Variants in DNAH7 observed in about 807,000 individuals in gnomAD.
DNAH7 encodes the protein dynein axonemal heavy chain 7, also known as axonemal beta dynein heavy chain 7.
Under a neutral mutation model 444.6 loss-of-function variants are expected in DNAH7, and 397 were observed. The observed-to-expected ratio is 0.89, with a 90% CI of 0.82 to 0.97. The LOEUF (loss-of-function observed/expected upper bound fraction) is 0.97, where lower values mean the gene tolerates loss of function less well. Among genes scored for constraint, DNAH7 ranks in the 50% least tolerant of loss-of-function variants. DNAH7 has a pLI of 0.00. For missense variants in DNAH7, 4,902 were observed against 4,800.8 expected (o/e 1.02, Z -0.62); for synonymous variants, 1,636 against 1,624.4 (o/e 1.01, Z -0.17).
intron 3 of DNAH7, 126 bp downstream of exon 3, chr2:196,051,061 A>G (rs1245739170): frequency 1.2e-6 from 1 of 829,908 alleles, no homozygotes; most frequent in East Asian, 2.5e-5. Context: ...TGCACACCTC[A>G]TAGAATTTCT....
rs1276835714 is a variant in DNAH7, at chr2:195,938,072, T to G, written c.3079-1280A>C. The stretch of plus-strand genomic sequence containing the variant: ...AGTAAATTTTTTCCTATAGGAATTT[T>G]ATTCAATTGCAGGAGTCTCTAAAGT... On this transcript the variant is annotated intron_variant, in intron 19 of 64. Coordinates refer to ENST00000312428, the MANE Select transcript of DNAH7 (RefSeq NM_018897.3). Among the ~76,000 whole-genome samples the G allele has an allele frequency of 5.9e-5, 9 of 152,162 alleles. No homozygotes were observed. In the South Asian group the frequency reaches 1.9e-3, roughly 31 times the overall value.
chr2:195,935,010 A>G (rs1160722861), intron 20 of DNAH7, among the ~76,000 whole-genome samples: 2 of 152,240 alleles, frequency 1.3e-5, no homozygotes, highest in African/African-American at 2.4e-5. Context: ...ATCACAAAAC[A>G]TCTGTAAAAT....
intron 15 of DNAH7, among the ~76,000 whole-genome samples, chr2:195,975,508 C>T (rs1692129749): frequency 6.6e-6 from 1 of 152,176 alleles, no homozygotes; most frequent in Non-Finnish European, 1.5e-5. Context: ...ACAAGAACTG[C>T]AACTCCTAGG....
rs536314999 is a variant in DNAH7, at chr2:196,021,321, T to C, written c.744-2026A>G. 6.6e-5 allele frequency among the ~76,000 whole-genome samples: 10 copies of C among 152,278 alleles called. No homozygotes were observed. In the East Asian group the frequency reaches 1.9e-3, roughly 29 times the overall value. On this transcript the variant is annotated intron_variant, in intron 8 of 64. Transcript: ENST00000312428. ...TCATAAATGTAACGTTAGGCTTAAA[T>C]ACATAAATAAACAAAGCACATAAGA...
At position 195,916,695 on chromosome 2, in the gene DNAH7, T is replaced by C. The variant is rs1687700956; in HGVS notation, c.3935+5393A>G. 1.3e-5 allele frequency among the ~76,000 whole-genome samples: 2 copies of C among 151,992 alleles called. 1 individual carries two copies. Among genetic ancestry groups the C allele is most frequent in the Admixed American group, 1.3e-4 (2 of 15,256 alleles). ...TAAAATGCTGAAACCCCATCTCTACTAAAAATATAAAAATTAGCTGAGCAT... is the reference window on the plus strand; with the variant it reads ...TAAAATGCTGAAACCCCATCTCTACCAAAAATATAAAAATTAGCTGAGCAT... On this transcript the variant is annotated intron_variant, in intron 24 of 64. Transcript: ENST00000312428.
chr2:196,026,567 T>C (rs1277520528), intron 7 of DNAH7, among the ~76,000 whole-genome samples, 193 bp downstream of exon 7: 1 of 152,186 alleles, frequency 6.6e-6, no homozygotes. Context: ...TCCCTACAAA[T>C]AGAAATAGAA....
intron 21 of DNAH7, among the ~76,000 whole-genome samples, chr2:195,929,660 G>A (rs1052281530): frequency 2.6e-5 from 4 of 152,146 alleles, no homozygotes; most frequent in African/African-American, 9.7e-5. Flanking sequence ...TTAAATAGCT[G>A]GCTAGCCATA....
intron 25 of DNAH7, among the ~76,000 whole-genome samples, chr2:195,908,303 G>A (rs1469724602): frequency 6.6e-6 from 1 of 151,860 alleles, no homozygotes; most frequent in Non-Finnish European, 1.5e-5. Context: ...TAGTGACTGA[G>A]TCACTATGCA....
intron 47 of DNAH7, 144 bp from the exon 48 acceptor site, chr2:195,834,504 T>A: frequency 1.1e-6 from 1 of 890,712 alleles, no homozygotes; most frequent in Non-Finnish European, 1.6e-6. Context: ...ACTATGTTCT[T>A]AAAACAGAGA....
chr2:195,886,471 C>T (rs576800394), intron 33 of DNAH7, among the ~76,000 whole-genome samples, 199 bp from the exon 34 acceptor site: 2 of 152,038 alleles, frequency 1.3e-5, no homozygotes, highest in South Asian at 4.2e-4. Context: ...TACTCTTTAA[C>T]CTTTCGCATC....
At chr2:195,906,582 C>G in intron 27 of DNAH7, 77 bp downstream of exon 27, 1 of 1,435,982 alleles carries the variant, frequency 7.0e-7, no homozygotes, top group Non-Finnish European at 9.4e-7. Context: ...GCGTTAGCCA[C>G]CACGCCCAGC....
intron 38 of DNAH7, among the ~76,000 whole-genome samples, chr2:195,873,908 AAAC>A (rs1321882204): frequency 2.0e-5 from 3 of 152,256 alleles, no homozygotes; most frequent in African/African-American, 7.2e-5. Context: ...TGAATGAGTT[AAAC>A]TAATTAGACA....
At chr2:195,845,542 A>G (rs904710390) in intron 46 of DNAH7, among the ~76,000 whole-genome samples, 11 of 152,358 alleles carry the variant, frequency 7.2e-5, no homozygotes, top group African/African-American at 2.6e-4. Context: ...ACCAATAAAG[A>G]GCCCGAATAG....
rs139134022 is a variant in DNAH7, at chr2:195,782,487, G to T, written c.10879-4502C>A. On this transcript the variant is annotated intron_variant, in intron 58 of 64. Transcript: ENST00000312428. ...GAAGAAAGTGAAATAGCTCATACTT[G>T]TACCACATAATTATTTATCATTTTT... 2.1e-3 allele frequency among the ~76,000 whole-genome samples: 318 copies of T among 152,230 alleles called. 1 individual carries two copies. The highest frequency in any genetic ancestry group is 7.2e-3 in the African/African-American group (299 of 41,526).
intron 63 of DNAH7, among the ~76,000 whole-genome samples, chr2:195,753,267 AG>A (rs1308338106): frequency 1.3e-5 from 2 of 152,076 alleles, no homozygotes; most frequent in Non-Finnish European, 2.9e-5. Flanking sequence ...AGCAGAAGGA[AG>A]GGCAAAGAGG....
intron 21 of DNAH7, among the ~76,000 whole-genome samples, 158 bp downstream of exon 21, chr2:195,934,433 T>C (rs1688909053): frequency 6.6e-6 from 1 of 152,238 alleles, no homozygotes; most frequent in Admixed American, 6.5e-5. Flanking sequence ...ATTACTATCA[T>C]AGAACATCTC....
At position 195,906,751 on chromosome 2, in the gene DNAH7, C is replaced by T; in HGVS notation, c.4243G>A (p.Gly1415Arg). 6.2e-7 allele frequency: 1 copy of T among 1,613,378 alleles called. No individual in the cohort carries two copies. The highest frequency in any genetic ancestry group is 8.5e-7 in the Non-Finnish European group (1 of 1,179,556). Residue 1415 changes from glycine to arginine, a missense_variant, in exon 27 of 65, where the codon GGA (glycine) becomes AGA (arginine). By Grantham distance (125) the Gly-to-Arg change is moderately radical. Coordinates refer to ENST00000312428, the MANE Select transcript of DNAH7 (RefSeq NM_018897.3). Reference protein sequence around the residue: ...NAGADILMFEGTELKLDPTCA... With the variant: ...NAGADILMFERTELKLDPTCA... ...GTGGGGTCAAGTTTTAGTTCAGTTC[C>T]TTCAAACATCAGTATATCAGCACCT...
chr2:195,747,164 G>C (rs1274423217), intron 63 of DNAH7, among the ~76,000 whole-genome samples: 1 of 151,648 alleles, frequency 6.6e-6, no homozygotes, highest in Non-Finnish European at 1.5e-5. Context: ...TGATAAAGGG[G>C]ATATCACCAC....
At chr2:196,046,040 G>A (rs189331097) in intron 5 of DNAH7, among the ~76,000 whole-genome samples, 1 of 151,902 alleles carries the variant, frequency 6.6e-6, no homozygotes, top group East Asian at 1.9e-4. Context: ...GGTTAAAATA[G>A]ACTTCTGTTT....
Sources: allele counts gnomAD v4.1 joint callset (sites outside exome capture counted in the v4.1 genomes callset), GRCh38; gene constraint gnomAD v4.1.1; transcripts MANE v1.5; gene names NCBI Gene and HGNC (gene_info 2026-07-23, HGNC 2026-07-21).